The following PACRG variants were observed in gnomAD, a reference collection of about 807,000 sequenced individuals.
PACRG encodes parkin coregulated gene protein.
A neutral mutation model predicts 29.7 loss-of-function variants in PACRG; 29 were observed. That is an observed-to-expected ratio of 0.98 (90% CI 0.73 to 1.33). PACRG has a LOEUF of 1.33. Ranked by LOEUF, PACRG falls within the 40% of genes most tolerant of loss-of-function variation. PACRG has a pLI of 0.00. For synonymous variants in PACRG, 116 were observed against 118.7 expected (o/e 0.98, Z 0.15); for missense variants, 279 against 316.2 (o/e 0.88, Z 0.89).
At chr6:162,797,252 A>T (rs2128335951) in intron 1 of PACRG, among the ~76,000 whole-genome samples, 1 of 152,354 alleles carries the variant, frequency 6.6e-6, no homozygotes, top group South Asian at 2.1e-4. Context: ...TGGGTGACAG[A>T]GCAAGACTCC....
chr6:162,747,680 A>T (rs1313043963), intron 1 of PACRG, among the ~76,000 whole-genome samples: 1 of 151,288 alleles, frequency 6.6e-6, no homozygotes, highest in Non-Finnish European at 1.5e-5. Context: ...AACCAGATTG[A>T]GCGAGCCAGG....
At chr6:162,999,111 A>AT (rs1180262668) in intron 2 of PACRG, among the ~76,000 whole-genome samples, 2 of 152,370 alleles carry the variant, frequency 1.3e-5, no homozygotes, top group African/African-American at 2.4e-5. Context: ...AAAAAGTGAC[A>AT]TTTTAAATTA....
At chr6:163,008,718 G>A (rs987933926) in intron 2 of PACRG, among the ~76,000 whole-genome samples, 1 of 148,888 alleles carries the variant, frequency 6.7e-6, no homozygotes, top group East Asian at 2.0e-4. Flanking sequence ...CTTTCCCTTC[G>A]TGAAGGCTCT....
At chr6:163,239,948 C>T (rs1396372949) in intron 4 of PACRG, among the ~76,000 whole-genome samples, 1 of 128,000 alleles carries the variant, frequency 7.8e-6, no homozygotes, top group Admixed American at 7.7e-5. Context: ...CTCCCACCCC[C>T]CCCACACACT....
At chr6:163,142,949 A>C (rs1368198400) in intron 4 of PACRG, among the ~76,000 whole-genome samples, 2 of 152,284 alleles carry the variant, frequency 1.3e-5, no homozygotes, top group Non-Finnish European at 2.9e-5. Context: ...AACAGAGGAG[A>C]CTCTGGAGAC....
chr6:162,829,165 A>G (rs533784843), intron 2 of PACRG, among the ~76,000 whole-genome samples: 1 of 152,356 alleles, frequency 6.6e-6, no homozygotes, highest in East Asian at 1.9e-4. Context: ...TTAGAAAAAC[A>G]AACAGGAAAT....
intron 4 of PACRG, among the ~76,000 whole-genome samples, chr6:163,117,420 G>C (rs2128322843): frequency 6.6e-6 from 1 of 152,322 alleles, no homozygotes; most frequent in Non-Finnish European, 1.5e-5. Flanking sequence ...CAGGAAATCA[G>C]AAAGGTCATG....
intron 4 of PACRG, among the ~76,000 whole-genome samples, chr6:163,283,300 C>T (rs564651688): frequency 9.9e-5 from 15 of 152,254 alleles, no homozygotes; most frequent in Admixed American, 3.9e-4. Flanking sequence ...TTCCAAAAAG[C>T]GCTTAACTCG....
chr6:162,977,927 T>C (rs1802090271), intron 2 of PACRG, among the ~76,000 whole-genome samples: 1 of 152,134 alleles, frequency 6.6e-6, no homozygotes. Context: ...GCAGATCATC[T>C]AAGGTCAGGA....
intron 4 of PACRG, among the ~76,000 whole-genome samples, chr6:163,127,385 T>G (rs376984316): frequency 1.3e-5 from 2 of 152,240 alleles, no homozygotes; most frequent in East Asian, 3.8e-4. Context: ...TTAATGGGTA[T>G]TTTGTCAGTT....
intron 4 of PACRG, among the ~76,000 whole-genome samples, chr6:163,232,822 C>A (rs1782097279): frequency 6.6e-6 from 1 of 152,188 alleles, no homozygotes; most frequent in Admixed American, 6.5e-5. Context: ...CACCTACCCC[C>A]CAGCTCACGC....
At chr6:163,101,020 CA>C (rs1341029834) in intron 4 of PACRG, 2 of 982,966 alleles carry the variant, frequency 2.0e-6, no homozygotes, top group African/African-American at 3.5e-5. Flanking sequence ...CTCTTAAGTA[CA>C]GTACTTTAAT....
Position 162,814,267 on chromosome 6 carries a change from A to T in PACRG, c.277A>T (p.Lys93Ter), listed in dbSNP as rs1289045763. 3 of 1,613,574 alleles carry T rather than the reference A, an allele frequency of 1.9e-6. No individual in the cohort carries two copies. Among genetic ancestry groups the T allele is most frequent in the Non-Finnish European group, 2.5e-6 (3 of 1,179,684 alleles). ...IALEHDSKGNKIAWKVEIEKL... is the reference protein window; with the variant it reads ...IALEHDSKGN ...CCTTGAGCATGATTCGAAAGGAAAC[A>T]AAATCGCCTGGAAGGTAAGTCAGGG... Residue 93 changes from lysine (K) to a stop codon, truncating the protein, a stop_gained, in exon 2 of 5, where the codon AAA becomes TAA. Transcript: ENST00000366888. LOFTEE classifies it high-confidence loss of function.
At chr6:162,801,019 C>T (rs1019888032) in intron 1 of PACRG, among the ~76,000 whole-genome samples, 3 of 152,172 alleles carry the variant, frequency 2.0e-5, no homozygotes, top group African/African-American at 7.2e-5. Context: ...CGTGGACCTC[C>T]TTAAATCTTT....
intron 2 of PACRG, among the ~76,000 whole-genome samples, chr6:162,998,531 G>C (rs1804291154): frequency 1.3e-5 from 2 of 152,224 alleles, no homozygotes; most frequent in Non-Finnish European, 2.9e-5. Context: ...AGTATGTCAT[G>C]TTGATGAACG....
intron 3 of PACRG, among the ~76,000 whole-genome samples, chr6:163,069,342 G>T (rs556432841): frequency 6.7e-6 from 1 of 148,600 alleles, no homozygotes; most frequent in Admixed American, 6.7e-5. Context: ...GAGAAATAGA[G>T]ATATGTGACT....
At chr6:162,888,902 G>C (rs1306629605) in intron 2 of PACRG, among the ~76,000 whole-genome samples, 1 of 152,178 alleles carries the variant, frequency 6.6e-6, no homozygotes, top group Non-Finnish European at 1.5e-5. Flanking sequence ...GAATTGACAG[G>C]AATTCACAAG....
At chr6:163,270,199 C>T (rs1783772200) in intron 4 of PACRG, among the ~76,000 whole-genome samples, 1 of 152,084 alleles carries the variant, frequency 6.6e-6, no homozygotes, top group African/African-American at 2.4e-5. Context: ...ATAAAGCGAG[C>T]ATTTCAATTC....
chr6:163,174,593 TAAGG>T (rs1191679532), intron 4 of PACRG, among the ~76,000 whole-genome samples: 12 of 152,324 alleles, frequency 7.9e-5, no homozygotes, highest in African/African-American at 2.9e-4. Flanking sequence ...AACTAGTAAG[TAAGG>T]GTCTCTATTT....
Sources: gnomAD v4.1 joint callset for allele counts (sites outside exome capture counted in the v4.1 genomes callset) on GRCh38, gnomAD v4.1.1 for gene constraint, MANE v1.5 for transcripts, NCBI Gene and HGNC (gene_info 2026-07-23, HGNC 2026-07-21) for gene names.